Variants in SCHIP1 observed in about 807,000 individuals in gnomAD.
SCHIP1 encodes schwannomin-interacting protein 1.
A neutral mutation model predicts 29.7 loss-of-function variants in SCHIP1; 8 were observed. The observed-to-expected ratio is 0.27, with a 90% CI of 0.16 to 0.49. The LOEUF (loss-of-function observed/expected upper bound fraction) is 0.49, where lower values mean the gene tolerates loss of function less well. Ranked by LOEUF, SCHIP1 falls within the 20% of genes least tolerant of loss-of-function variation. The pLI, the probability that SCHIP1 is intolerant of heterozygous loss-of-function variation, is 0.99. For missense variants in SCHIP1, 193 were observed against 294.6 expected, an observed-to-expected ratio of 0.66 and a Z score of 2.52; for synonymous variants, 76 against 94.9, an observed-to-expected ratio of 0.80 and a Z score of 1.16.
At chr3:159,685,080 A>G in the SCHIP1 span, among the ~76,000 whole-genome samples, 1 of 152,110 alleles carries the variant, frequency 6.6e-6, no homozygotes, top group Non-Finnish European at 1.5e-5. Flanking sequence ...TATTCAACCA[A>G]TATTTATTGA....
the SCHIP1 span, among the ~76,000 whole-genome samples, chr3:159,317,950 A>C: frequency 6.6e-6 from 1 of 152,172 alleles, no homozygotes; most frequent in Non-Finnish European, 1.5e-5. Context: ...CTGGCTGGTC[A>C]TCCCCAGGAA....
the SCHIP1 span, among the ~76,000 whole-genome samples, chr3:159,365,916 G>A: frequency 1.4e-4 from 21 of 152,224 alleles, no homozygotes; most frequent in Non-Finnish European, 2.9e-5. Flanking sequence ...AGGCTTTTCT[G>A]TACTTTGGGT....
chr3:159,476,528 TTTAA>T, the SCHIP1 span, among the ~76,000 whole-genome samples: 1 of 152,176 alleles, frequency 6.6e-6, no homozygotes, highest in South Asian at 2.1e-4. Flanking sequence ...ACTCAGTAGT[TTTAA>T]TTTTTATTTA....
At chr3:159,337,843 C>G in the SCHIP1 span, among the ~76,000 whole-genome samples, 1 of 152,180 alleles carries the variant, frequency 6.6e-6, no homozygotes, top group Non-Finnish European at 1.5e-5. Context: ...AAATCATTAT[C>G]TTCTTCGTCT....
the SCHIP1 span, among the ~76,000 whole-genome samples, chr3:159,348,754 A>C: frequency 6.6e-6 from 1 of 152,142 alleles, no homozygotes; most frequent in Non-Finnish European, 1.5e-5. Flanking sequence ...TCTTTAGGTT[A>C]TTTTCCAAAT....
At chr3:159,742,499 A>G in the SCHIP1 span, among the ~76,000 whole-genome samples, 1 of 151,898 alleles carries the variant, frequency 6.6e-6, no homozygotes, top group Non-Finnish European at 1.5e-5. Flanking sequence ...TTAGGAACTC[A>G]CTTATTTTTA....
the SCHIP1 span, among the ~76,000 whole-genome samples, chr3:159,281,246 A>G: frequency 6.6e-6 from 1 of 152,234 alleles, no homozygotes; most frequent in Non-Finnish European, 1.5e-5. Flanking sequence ...TGGAAGGAAG[A>G]GAAAGGCAGG....
At chr3:159,791,303 GA>G in the SCHIP1 span, among the ~76,000 whole-genome samples, 4 of 151,854 alleles carry the variant, frequency 2.6e-5, no homozygotes, top group Middle Eastern at 3.4e-3. Context: ...TTAAACAAGT[GA>G]AAAAAAACAC....
the SCHIP1 span, among the ~76,000 whole-genome samples, chr3:159,676,121 A>G: frequency 6.6e-6 from 1 of 151,822 alleles, no homozygotes; most frequent in Non-Finnish European, 1.5e-5. Context: ...ACGGTGCAAG[A>G]CTCCATCTCA....
At chr3:159,468,974 G>T in the SCHIP1 span, among the ~76,000 whole-genome samples, 1 of 151,614 alleles carries the variant, frequency 6.6e-6, no homozygotes, top group Non-Finnish European at 1.5e-5. Context: ...CACCGTGTTA[G>T]CCCGGATGGT....
chr3:159,822,072 T>A, the SCHIP1 span, among the ~76,000 whole-genome samples: 8 of 152,240 alleles, frequency 5.3e-5, no homozygotes, highest in African/African-American at 1.9e-4. Flanking sequence ...AATTTTCCAT[T>A]TAATGTTTTT....
At chr3:159,833,069 G>T in the SCHIP1 span, among the ~76,000 whole-genome samples, 1 of 152,166 alleles carries the variant, frequency 6.6e-6, no homozygotes. Context: ...CATCCGCTAG[G>T]GGTCTTGGAA....
intron 1 of SCHIP1, among the ~76,000 whole-genome samples, chr3:159,865,510 C>G (rs1714524891): frequency 1.3e-5 from 2 of 152,190 alleles, no homozygotes; most frequent in South Asian, 2.1e-4. Context: ...AACTAGAATT[C>G]TCCAGCTATT....
chr3:159,747,960 T>A, the SCHIP1 span, among the ~76,000 whole-genome samples: 2 of 152,240 alleles, frequency 1.3e-5, no homozygotes, highest in Non-Finnish European at 2.9e-5. Flanking sequence ...AACTATCAAG[T>A]AGAATATCCA....
chr3:159,299,286 G>A, the SCHIP1 span, among the ~76,000 whole-genome samples: 10 of 152,206 alleles, frequency 6.6e-5, no homozygotes, highest in East Asian at 1.5e-3. Context: ...TCACTCAAGT[G>A]CTCTTTATCT....
At chr3:159,514,615 T>A in the SCHIP1 span, among the ~76,000 whole-genome samples, 168 of 152,342 alleles carry the variant, frequency 1.1e-3, 1 homozygote, top group African/African-American at 3.3e-3. Context: ...TCACCAACCT[T>A]CTATTGTGAG....
chr3:159,275,045 G>T, the SCHIP1 span: 4 of 973,562 alleles, frequency 4.1e-6, no homozygotes, highest in Non-Finnish European at 4.9e-6. Context: ...GGGATAAATG[G>T]TACTTACATT....
At chr3:159,570,439 A>G in the SCHIP1 span, among the ~76,000 whole-genome samples, 2 of 152,202 alleles carry the variant, frequency 1.3e-5, no homozygotes, top group Admixed American at 1.3e-4. Context: ...AGGTTTCTCA[A>G]AGATCAGATG....
At chr3:159,729,181 A>G in the SCHIP1 span, among the ~76,000 whole-genome samples, 1 of 152,208 alleles carries the variant, frequency 6.6e-6, no homozygotes, top group Non-Finnish European at 1.5e-5. Context: ...AGAAAAGAAA[A>G]GAAAGAAAAT....
Sources: gnomAD v4.1 joint callset for allele counts (sites outside exome capture counted in the v4.1 genomes callset) on GRCh38, gnomAD v4.1.1 for gene constraint, MANE v1.5 for transcripts, NCBI Gene and HGNC (gene_info 2026-07-23, HGNC 2026-07-21) for gene names.